LSAMP: variants seen among roughly 807,000 people sequenced by gnomAD.
LSAMP encodes limbic system associated membrane protein.
In LSAMP, 7 loss-of-function variants were observed where a neutral mutation model predicts 38.6. That is an observed-to-expected ratio of 0.18 (90% CI 0.10 to 0.34). The LOEUF (loss-of-function observed/expected upper bound fraction) is 0.34, where lower values mean the gene tolerates loss of function less well. Ranked by LOEUF, LSAMP falls within the 10% of genes least tolerant of loss-of-function variation. LSAMP has a pLI of 1.00. For synonymous variants in LSAMP, 154 were observed against 166.8 expected (o/e 0.92, Z 0.59); for missense variants, 313 against 420.0 (o/e 0.75, Z 2.23).
intron 1 of LSAMP, among the ~76,000 whole-genome samples, chr3:116,274,920 A>ATAAT (rs916894029): frequency 1.3e-5 from 2 of 150,224 alleles, no homozygotes; most frequent in Non-Finnish European, 3.0e-5. Flanking sequence ...GTATATTTTT[A>ATAAT]TAATTCAGAG....
At chr3:116,439,316 G>GTTTT (rs775235925) in intron 1 of LSAMP, among the ~76,000 whole-genome samples, 5 of 142,998 alleles carry the variant, frequency 3.5e-5, no homozygotes, top group Admixed American at 6.9e-5. Flanking sequence ...CTGAGATTTT[G>GTTTT]TTGTTTTTTT....
chr3:116,074,151 T>C (rs975196939), intron 2 of LSAMP, among the ~76,000 whole-genome samples: 2 of 152,210 alleles, frequency 1.3e-5, no homozygotes, highest in African/African-American at 4.8e-5. Flanking sequence ...TATTAAAAAT[T>C]CTAATTCTAA....
At chr3:116,210,477 T>C (rs2046141403) in intron 1 of LSAMP, among the ~76,000 whole-genome samples, 1 of 152,182 alleles carries the variant, frequency 6.6e-6, no homozygotes, top group African/African-American at 2.4e-5. Context: ...TCTTCAGCTT[T>C]TGGACTCTTG....
intron 2 of LSAMP, among the ~76,000 whole-genome samples, chr3:116,068,973 G>A (rs1707530156): frequency 6.6e-6 from 1 of 152,168 alleles, no homozygotes; most frequent in Non-Finnish European, 1.5e-5. Flanking sequence ...CTTGTGGATA[G>A]CAAGATCAAG....
At chr3:116,339,481 T>G (rs2047965313) in intron 1 of LSAMP, among the ~76,000 whole-genome samples, 1 of 151,798 alleles carries the variant, frequency 6.6e-6, no homozygotes, top group East Asian at 1.9e-4. Context: ...TTTTTTTTAT[T>G]ATTATGATAC....
At chr3:116,207,991 A>G (rs1447508212) in intron 1 of LSAMP, among the ~76,000 whole-genome samples, 2 of 148,736 alleles carry the variant, frequency 1.3e-5, no homozygotes, top group Non-Finnish European at 3.0e-5. Flanking sequence ...TATCCTGCAG[A>G]GTGTTTTCCA....
chr3:116,125,698 C>A (rs1415477341), intron 1 of LSAMP, among the ~76,000 whole-genome samples: 1 of 152,162 alleles, frequency 6.6e-6, no homozygotes, highest in Non-Finnish European at 1.5e-5. Flanking sequence ...TCTGACCTCA[C>A]CTTCAATCCA....
At chr3:116,371,908 T>C (rs2048435228) in intron 1 of LSAMP, among the ~76,000 whole-genome samples, 1 of 151,954 alleles carries the variant, frequency 6.6e-6, no homozygotes, top group Admixed American at 6.6e-5. Flanking sequence ...TGAAAAGAAA[T>C]GTTTGGAAAT....
intron 3 of LSAMP, among the ~76,000 whole-genome samples, chr3:115,924,170 TG>T (rs1937446956): frequency 6.6e-6 from 1 of 152,226 alleles, no homozygotes; most frequent in African/African-American, 2.4e-5. Context: ...CTGGACTTTT[TG>T]ACTTTAACTA....
intron 3 of LSAMP, among the ~76,000 whole-genome samples, chr3:115,942,464 A>T (rs1937955701): frequency 6.6e-6 from 1 of 152,156 alleles, no homozygotes; most frequent in African/African-American, 2.4e-5. Context: ...ATTATCTCAC[A>T]CTGTTACAGA....
At chr3:116,357,825 C>G (rs923609629) in intron 1 of LSAMP, among the ~76,000 whole-genome samples, 1 of 151,410 alleles carries the variant, frequency 6.6e-6, no homozygotes, top group African/African-American at 2.4e-5. Flanking sequence ...GTTCACTCTT[C>G]ATTGAAAGCA....
chr3:116,416,809 C>CT (rs2107848178), intron 1 of LSAMP, among the ~76,000 whole-genome samples: 1 of 148,852 alleles, frequency 6.7e-6, no homozygotes, highest in South Asian at 2.1e-4. Context: ...TCTTCTTCTT[C>CT]TTTTTTTAAA....
At chr3:115,847,518 C>A (rs946152932) in intron 4 of LSAMP, among the ~76,000 whole-genome samples, 1 of 152,094 alleles carries the variant, frequency 6.6e-6, no homozygotes, top group Non-Finnish European at 1.5e-5. Flanking sequence ...GTGTTCCCAC[C>A]CAAAATCTCA....
chr3:115,855,865 G>C (rs974433677), intron 3 of LSAMP, among the ~76,000 whole-genome samples: 2 of 152,130 alleles, frequency 1.3e-5, no homozygotes, highest in African/African-American at 4.8e-5. Flanking sequence ...GGCCCTCCCT[G>C]TTGTCATGCT....
At chr3:115,981,002 A>G (rs1939342577) in intron 3 of LSAMP, among the ~76,000 whole-genome samples, 1 of 152,208 alleles carries the variant, frequency 6.6e-6, no homozygotes, top group Non-Finnish European at 1.5e-5. Flanking sequence ...TACTTCCACT[A>G]GTTGTTTTCA....
intron 3 of LSAMP, among the ~76,000 whole-genome samples, chr3:115,889,575 C>T (rs751933256): frequency 6.6e-6 from 1 of 151,808 alleles, no homozygotes; most frequent in Non-Finnish European, 1.5e-5. Context: ...CCTGCTTTGG[C>T]CCCCAGTTAT....
chr3:115,938,008 G>C (rs2107552395), intron 3 of LSAMP, among the ~76,000 whole-genome samples: 1 of 152,292 alleles, frequency 6.6e-6, no homozygotes, highest in South Asian at 2.1e-4. Context: ...TCAGTAGTTT[G>C]AAAGCATTCA....
chr3:116,119,073 A>G (rs1708816463), intron 1 of LSAMP, among the ~76,000 whole-genome samples: 2 of 152,218 alleles, frequency 1.3e-5, no homozygotes, highest in Admixed American at 1.3e-4. Context: ...TTCTGACATT[A>G]TAAAATGCCA....
In LSAMP at chr3:115,818,329, A is replaced by G. The variant is rs151082473; in HGVS notation, c.920-7915T>C. On this transcript the variant is annotated intron_variant, in intron 6 of 6. Coordinates refer to ENST00000490035, the MANE Select transcript of LSAMP (RefSeq NM_002338.5). ...AGGCCACAGAGCGATGCTCTTTCCT[A>G]AAAGAGGCCTCAATCCTCGATGAGG... Among the ~76,000 whole-genome samples, 124 of 152,280 alleles carry G rather than the reference A, an allele frequency of 8.1e-4. 1 individual carries two copies. Among genetic ancestry groups the G allele is most frequent in the Admixed American group, 1.6e-3 (25 of 15,296 alleles).
Sources: gnomAD v4.1 joint callset for allele counts (sites outside exome capture counted in the v4.1 genomes callset) on GRCh38, gnomAD v4.1.1 for gene constraint, MANE v1.5 for transcripts, NCBI Gene and HGNC (gene_info 2026-07-23, HGNC 2026-07-21) for gene names.